Variants in DGKB observed in about 807,000 individuals in gnomAD.
DGKB encodes the protein diacylglycerol kinase beta, also known as 90 kDa diacylglycerol kinase.
DGKB carries 67 observed loss-of-function variants against 114.3 expected under a neutral mutation model. The ratio of observed to expected loss-of-function variants is 0.59; its 90% CI spans 0.48 to 0.72. The LOEUF is 0.72. Among genes scored for constraint, DGKB ranks in the 30% least tolerant of loss-of-function variants. The pLI, the probability that DGKB is intolerant of heterozygous loss-of-function variation, is 0.00. For synonymous variants in DGKB, 398 were observed against 323.1 expected (o/e 1.23, Z -2.49); for missense variants, 907 against 975.2 (o/e 0.93, Z 0.93).
chr7:14,930,617 G>A (rs754571885), intron 1 of DGKB, among the ~76,000 whole-genome samples: 1 of 152,062 alleles, frequency 6.6e-6, no homozygotes, highest in Non-Finnish European at 1.5e-5. Context: ...GGAGTGTTTA[G>A]GTTTTTGTAG....
chr7:14,796,065 C>T (rs1333550133), intron 2 of DGKB, among the ~76,000 whole-genome samples: 1 of 152,030 alleles, frequency 6.6e-6, no homozygotes, highest in Non-Finnish European at 1.5e-5. Flanking sequence ...GAAGTAAGAA[C>T]AAACTCCAAA....
intron 23 of DGKB, among the ~76,000 whole-genome samples, chr7:14,270,654 T>C (rs1262526119): frequency 6.6e-6 from 1 of 152,248 alleles, no homozygotes; most frequent in Non-Finnish European, 1.5e-5. Flanking sequence ...TCTTTTCTAA[T>C]TGATGATCTT....
chr7:14,888,494 C>T (rs999940477), intron 1 of DGKB, among the ~76,000 whole-genome samples: 3 of 151,676 alleles, frequency 2.0e-5, no homozygotes, highest in African/African-American at 7.3e-5. Flanking sequence ...TTGATCATTG[C>T]TTAGAATACA....
chr7:14,392,847 T>G (rs1038817975), intron 21 of DGKB, among the ~76,000 whole-genome samples: 1 of 152,042 alleles, frequency 6.6e-6, no homozygotes, highest in Non-Finnish European at 1.5e-5. Flanking sequence ...TATACCAAGA[T>G]AGCTTTGGAA....
At chr7:14,588,997 A>T (rs1378691611) in intron 17 of DGKB, among the ~76,000 whole-genome samples, 4 of 152,068 alleles carry the variant, frequency 2.6e-5, no homozygotes, top group Non-Finnish European at 5.9e-5. Context: ...ACACACGTAT[A>T]ATATGAATTA....
chr7:14,676,951 C>T lies in DGKB; in HGVS notation c.1036-3924G>A, dbSNP rs185000704. On this transcript the variant is annotated intron_variant, in intron 12 of 25. Transcript: ENST00000402815. ...AATCCTTAGCTCATTTTTAAATATACATCCAGAAATTCCCATTCATGTTAA... is the reference window on the plus strand; with the variant it reads ...AATCCTTAGCTCATTTTTAAATATATATCCAGAAATTCCCATTCATGTTAA... 6.6e-3 allele frequency among the ~76,000 whole-genome samples: 997 copies of T among 151,696 alleles called. 4 individuals carry two copies. The highest frequency in any genetic ancestry group is 0.011 in the Non-Finnish European group (738 of 67,896).
chr7:14,250,501 C>A (rs557058237), intron 23 of DGKB, among the ~76,000 whole-genome samples: 2 of 152,064 alleles, frequency 1.3e-5, no homozygotes, highest in Admixed American at 1.3e-4. Context: ...CATGCCATTT[C>A]GGTCAGAAAA....
intron 6 of DGKB, among the ~76,000 whole-genome samples, chr7:14,716,833 G>A (rs1266272570): frequency 4.6e-5 from 7 of 152,126 alleles, no homozygotes; most frequent in Non-Finnish European, 8.8e-5. Context: ...GAAGATAGGA[G>A]AAAAGAGACC....
At chr7:14,703,840 C>T (rs1483981260) in intron 6 of DGKB, among the ~76,000 whole-genome samples, 1 of 152,138 alleles carries the variant, frequency 6.6e-6, no homozygotes, top group Admixed American at 6.5e-5. Flanking sequence ...TTATTAAAAA[C>T]AACCAGTTGA....
chr7:14,690,106 T>C (rs139138599), intron 9 of DGKB, among the ~76,000 whole-genome samples: 1 of 152,352 alleles, frequency 6.6e-6, no homozygotes, highest in Non-Finnish European at 1.5e-5. Flanking sequence ...ACATTTCTCT[T>C]TTCCCTATAA....
At chr7:14,442,462 C>G (rs1264226816) in intron 21 of DGKB, among the ~76,000 whole-genome samples, 3 of 151,824 alleles carry the variant, frequency 2.0e-5, no homozygotes, top group Non-Finnish European at 2.9e-5. Context: ...ATTTTGTTTA[C>G]TCTCTCTAGG....
Position 14,891,362 on chromosome 7 carries a change from C to T in DGKB, c.-188+11230G>A, listed in dbSNP as rs182728962. 2.0e-5 allele frequency among the ~76,000 whole-genome samples: 3 copies of T among 151,490 alleles called. No homozygotes were observed. In the East Asian group the frequency reaches 5.8e-4, roughly 29 times the overall value. The stretch of plus-strand genomic sequence containing the variant: ...AAGAAAGGGGCATTATCAGAGTTCA[C>T]CTACTTATTCAGTGCTTTTTAGGTA... On this transcript the variant is annotated intron_variant, in intron 1 of 25. Transcript: ENST00000402815.
intron 5 of DGKB, among the ~76,000 whole-genome samples, chr7:14,734,295 T>C (rs1486321645): frequency 6.6e-6 from 1 of 151,966 alleles, no homozygotes; most frequent in Non-Finnish European, 1.5e-5. Flanking sequence ...CACCTCAGCC[T>C]CCGAAAGTGC....
At chr7:14,321,238 C>T (rs969586006) in intron 23 of DGKB, among the ~76,000 whole-genome samples, 1 of 152,110 alleles carries the variant, frequency 6.6e-6, no homozygotes, top group African/African-American at 2.4e-5. Flanking sequence ...CTGCAGTAAG[C>T]CAGTATCACA....
intron 2 of DGKB, among the ~76,000 whole-genome samples, chr7:14,810,331 T>C (rs548904462): frequency 1.4e-3 from 207 of 152,222 alleles, no homozygotes; most frequent in African/African-American, 4.6e-3. Context: ...TGATTGGATC[T>C]TGGTTTAAAC....
chr7:14,248,709 C>G (rs1216735007), intron 23 of DGKB, among the ~76,000 whole-genome samples: 1 of 151,980 alleles, frequency 6.6e-6, no homozygotes, highest in African/African-American at 2.4e-5. Context: ...TACTGCAATA[C>G]TATTCAATTC....
chr7:14,207,868 T>TA (rs989712261), intron 23 of DGKB, among the ~76,000 whole-genome samples: 1 of 151,880 alleles, frequency 6.6e-6, no homozygotes, highest in African/African-American at 2.4e-5. Context: ...CAAAGTGAAC[T>TA]AAAAAAATGT....
chr7:14,601,079 T>C (rs1209770834), intron 17 of DGKB, among the ~76,000 whole-genome samples: 1 of 152,198 alleles, frequency 6.6e-6, no homozygotes, highest in African/African-American at 2.4e-5. Context: ...GAGGTAGGCA[T>C]GCCTTCACAG....
At chr7:14,168,824 A>G (rs1780363250) in intron 25 of DGKB, among the ~76,000 whole-genome samples, 1 of 152,216 alleles carries the variant, frequency 6.6e-6, no homozygotes, top group South Asian at 2.1e-4. Context: ...TTTCTGACAG[A>G]TGGGAAGTTA....
Sources: gnomAD v4.1 joint callset for allele counts (sites outside exome capture counted in the v4.1 genomes callset) on GRCh38, gnomAD v4.1.1 for gene constraint, MANE v1.5 for transcripts, NCBI Gene and HGNC (gene_info 2026-07-23, HGNC 2026-07-21) for gene names.